Variants in GPLD1 observed in about 807,000 individuals in gnomAD.
GPLD1 encodes phosphatidylinositol-glycan-specific phospholipase D.
In GPLD1, 84 loss-of-function variants were observed where a neutral mutation model predicts 112.6. The ratio of observed to expected loss-of-function variants is 0.75; its 90% confidence interval spans 0.63 to 0.89. The LOEUF (loss-of-function observed/expected upper bound fraction) is 0.89, where lower values mean the gene tolerates loss of function less well. Ranked by LOEUF, GPLD1 falls within the 40% of genes least tolerant of loss-of-function variation. The pLI is 0.00. For synonymous variants in GPLD1, 386 were observed against 403.8 expected, an observed-to-expected ratio of 0.96 and a Z score of 0.53; for missense variants, 1,044 against 1,051.5, an observed-to-expected ratio of 0.99 and a Z score of 0.10.
At chr6:24,475,844 C>A (rs112143804) in intron 4 of GPLD1, among the ~76,000 whole-genome samples, 13 of 150,706 alleles carry the variant, frequency 8.6e-5, no homozygotes, top group South Asian at 8.4e-4. Flanking sequence ...GGTGACAGAG[C>A]GACACTCTGT....
At chr6:24,469,241 C>A (rs544322564) in intron 7 of GPLD1, among the ~76,000 whole-genome samples, 1 of 147,998 alleles carries the variant, frequency 6.8e-6, no homozygotes, top group East Asian at 2.0e-4. Flanking sequence ...GGATCTAGAA[C>A]TAGAAATACC....
chr6:24,474,570 A>C (rs1426341862), intron 5 of GPLD1, among the ~76,000 whole-genome samples: 2 of 152,220 alleles, frequency 1.3e-5, no homozygotes, highest in African/African-American at 4.8e-5. Context: ...ACAAAACATC[A>C]CATCTATGAC....
chr6:24,437,068 G>C, intron 21 of GPLD1, 45 bp downstream of exon 21: 1 of 1,566,672 alleles, frequency 6.4e-7, no homozygotes. Context: ...CACCCCCTGG[G>C]CAAAGGGACT....
upstream of GPLD1, chr6:24,489,655 A>C: frequency 7.2e-7 from 1 of 1,391,542 alleles, no homozygotes; most frequent in South Asian, 1.5e-5. Flanking sequence ...TTTCAAAATA[A>C]TATCGTTTTC....
chr6:24,427,706 C>T lies in GPLD1; in HGVS notation c.*1326G>A, dbSNP rs532539245. Among the ~76,000 whole-genome samples, 103 of 151,796 alleles carry T rather than the reference C, an allele frequency of 6.8e-4. No individual in the cohort carries two copies. Among genetic ancestry groups the T allele is most frequent in the African/African-American group, 2.2e-3 (92 of 41,378 alleles). On this transcript the variant is annotated 3_prime_UTR_variant, in exon 25 of 25. Transcript: ENST00000230036. ...ACTAAAAATACAAAAATTAGCCGGG[C>T]GTAGTATTGTGCACCTGTAGTCCCA...
intron 18 of GPLD1, among the ~76,000 whole-genome samples, chr6:24,446,097 T>C (rs1762901779): frequency 6.6e-6 from 1 of 152,018 alleles, no homozygotes; most frequent in Non-Finnish European, 1.5e-5. Context: ...GTACCTACTG[T>C]TATGGGCTCA....
chr6:24,454,317 A>C, intron 13 of GPLD1, 116 bp from the exon 14 acceptor site: 1 of 585,626 alleles, frequency 1.7e-6, no homozygotes, highest in Non-Finnish European at 2.8e-6. Context: ...TGACTTTTCC[A>C]CCCTGCGTGA....
intron 2 of GPLD1, among the ~76,000 whole-genome samples, chr6:24,480,502 T>A (rs1334004776): frequency 1.3e-5 from 2 of 151,694 alleles, no homozygotes; most frequent in Admixed American, 6.6e-5. Flanking sequence ...GCTGGTTTTT[T>A]ATAAAATTTT....
chr6:24,465,208 AAAAAAGAAAAGAAAAG>A (rs1231574062), intron 10 of GPLD1, among the ~76,000 whole-genome samples: 4 of 131,466 alleles, frequency 3.0e-5, no homozygotes, highest in South Asian at 2.4e-4. Flanking sequence ...AAAAAAAAAA[AAAAAAGAAAAGAAAAG>A]AAAAGAAAAG....
chr6:24,480,449 A>T (rs532439926), intron 2 of GPLD1, among the ~76,000 whole-genome samples: 1 of 151,812 alleles, frequency 6.6e-6, no homozygotes, highest in Non-Finnish European at 1.5e-5. Flanking sequence ...CAGCCTCCCA[A>T]TGTGCTGGGA....
At chr6:24,488,278 G>A in intron 1 of GPLD1, among the ~76,000 whole-genome samples, 1 of 152,074 alleles carries the variant, frequency 6.6e-6, no homozygotes, top group Non-Finnish European at 1.5e-5. Context: ...CAGGCGTGGT[G>A]GCGGGCACCT....
intron 1 of GPLD1, among the ~76,000 whole-genome samples, chr6:24,488,685 A>G (rs1173600441): frequency 2.0e-5 from 3 of 152,224 alleles, no homozygotes; most frequent in Non-Finnish European, 4.4e-5. Flanking sequence ...CAAGGCATAC[A>G]TATATCAACA....
chr6:24,453,703 T>C (rs1028940430), intron 14 of GPLD1, among the ~76,000 whole-genome samples: 10 of 83,514 alleles, frequency 1.2e-4, no homozygotes, highest in African/African-American at 2.3e-4. Flanking sequence ...ACATTTCGTG[T>C]GTGTGTGTGT....
At chr6:24,489,215 G>T (rs572568484) in intron 1 of GPLD1, among the ~76,000 whole-genome samples, 200 bp downstream of exon 1, 1 of 152,006 alleles carries the variant, frequency 6.6e-6, no homozygotes, top group African/African-American at 2.4e-5. Context: ...TTTCTTATTT[G>T]CCCCTTAACT....
At chr6:24,488,428 A>G (rs1003008621) in intron 1 of GPLD1, among the ~76,000 whole-genome samples, 1 of 152,154 alleles carries the variant, frequency 6.6e-6, no homozygotes, top group Non-Finnish European at 1.5e-5. Context: ...AAAAAAAAGA[A>G]AACTCAGAAC....
chr6:24,494,026 C>G (rs571593769), upstream of GPLD1, among the ~76,000 whole-genome samples: 1 of 152,278 alleles, frequency 6.6e-6, no homozygotes, highest in African/African-American at 2.4e-5. Context: ...AATTTTTTAA[C>G]GGATGAAGAA....
chr6:24,445,520 GCA>G (rs60474145), intron 20 of GPLD1, 24 bp downstream of exon 20: 181,407 of 1,501,374 alleles, frequency 0.12, 15,727 homozygotes, highest in East Asian at 0.42. Flanking sequence ...CTGAAAGGAA[GCA>G]CAGTTTCACA....
At chr6:24,484,000 C>T (rs1274336936) in intron 2 of GPLD1, among the ~76,000 whole-genome samples, 1 of 152,192 alleles carries the variant, frequency 6.6e-6, no homozygotes, top group African/African-American at 2.4e-5. Context: ...CCTGCAAGCT[C>T]CGCCTCCCGG....
intron 2 of GPLD1, among the ~76,000 whole-genome samples, chr6:24,484,886 T>G (rs1337992421): frequency 6.6e-6 from 1 of 152,236 alleles, no homozygotes; most frequent in African/African-American, 2.4e-5. Context: ...AAATGGATTA[T>G]GAAGACTTAA....
Sources: gnomAD v4.1 joint callset for allele counts (sites outside exome capture counted in the v4.1 genomes callset) on GRCh38, gnomAD v4.1.1 for gene constraint, MANE v1.5 for transcripts, NCBI Gene and HGNC (gene_info 2026-07-23, HGNC 2026-07-21) for gene names.